Variants in MSRA observed in about 807,000 individuals in gnomAD.
The protein encoded by MSRA is methionine sulfoxide reductase A, also known as mitochondrial peptide methionine sulfoxide reductase.
Under a neutral mutation model 31.3 loss-of-function variants are expected in MSRA, and 54 were observed. The observed-to-expected ratio is 1.73, with a 90% confidence interval of 1.39 to 2.17. The LOEUF is 2.17. Ranked by LOEUF, MSRA falls within the 30% of genes most tolerant of loss-of-function variation. The pLI, the probability that MSRA is intolerant of heterozygous loss-of-function variation, is 0.00. For missense variants in MSRA, 507 were observed against 300.9 expected (o/e 1.69, Z -5.07); for synonymous variants, 169 against 116.5 (o/e 1.45, Z -2.90).
intron 1 of MSRA, among the ~76,000 whole-genome samples, chr8:10,061,245 C>T (rs1334876657): frequency 3.9e-5 from 6 of 152,192 alleles, no homozygotes; most frequent in Admixed American, 3.9e-4. Flanking sequence ...CGACCATACC[C>T]ATAGCGTGGA....
chr8:10,076,130 C>G (rs1304927117), intron 1 of MSRA, among the ~76,000 whole-genome samples: 1 of 152,208 alleles, frequency 6.6e-6, no homozygotes, highest in Non-Finnish European at 1.5e-5. Context: ...TCAGTTTTCT[C>G]ATTTGTAAAA....
At chr8:10,073,582 T>C (rs1797847016) in intron 1 of MSRA, among the ~76,000 whole-genome samples, 1 of 152,142 alleles carries the variant, frequency 6.6e-6, no homozygotes, top group African/African-American at 2.4e-5. Flanking sequence ...AAGTTCTTCC[T>C]ATCTCTTGAT....
rs142213783 is a variant in MSRA at position 10,122,085 on chromosome 8, A to G, written c.142+67427A>G. On this transcript the variant is annotated intron_variant, in intron 1 of 5. Coordinates refer to ENST00000317173, the MANE Select transcript of MSRA (RefSeq NM_012331.5). Reference sequence around the variant, plus strand: ...TAACTCTTCAGGGAAGGGGCACCACATATCTGTCCTGTCACCATGGCAAAG... The same window carrying G: ...TAACTCTTCAGGGAAGGGGCACCACGTATCTGTCCTGTCACCATGGCAAAG... Among the ~76,000 whole-genome samples, 195 of 152,196 alleles carry G rather than the reference A, an allele frequency of 1.3e-3. 4 individuals are homozygous for G. The highest frequency in any genetic ancestry group is 4.3e-3 in the African/African-American group (178 of 41,526).
At chr8:10,382,402 C>A (rs1019997809) in intron 5 of MSRA, among the ~76,000 whole-genome samples, 1 of 152,156 alleles carries the variant, frequency 6.6e-6, no homozygotes, top group African/African-American at 2.4e-5. Flanking sequence ...ACACCTGTAC[C>A]CAGAGTCGCC....
intron 3 of MSRA, among the ~76,000 whole-genome samples, chr8:10,283,614 C>A (rs1373675714): frequency 6.6e-6 from 1 of 151,138 alleles, no homozygotes; most frequent in Admixed American, 6.6e-5. Flanking sequence ...CCCTGAGTCC[C>A]CAAAAGTCCA....
chr8:10,407,914 A>T (rs1456697326), intron 5 of MSRA, among the ~76,000 whole-genome samples: 1 of 152,246 alleles, frequency 6.6e-6, no homozygotes, highest in African/African-American at 2.4e-5. Flanking sequence ...TAAGGATCAC[A>T]TCAATCTTTA....
At chr8:10,078,277 A>G (rs1472435901) in intron 1 of MSRA, among the ~76,000 whole-genome samples, 1 of 152,134 alleles carries the variant, frequency 6.6e-6, no homozygotes, top group African/African-American at 2.4e-5. Flanking sequence ...CCAGTTTGCT[A>G]TCGAGTGTAA....
At chr8:10,255,990 C>T (rs536726995) in intron 3 of MSRA, among the ~76,000 whole-genome samples, 14 of 152,210 alleles carry the variant, frequency 9.2e-5, no homozygotes, top group East Asian at 3.9e-4. Flanking sequence ...ACCACACTGA[C>T]ACGTCCTCAG....
intron 2 of MSRA, among the ~76,000 whole-genome samples, chr8:10,217,975 T>C (rs1213635321): frequency 1.3e-5 from 2 of 152,260 alleles, no homozygotes; most frequent in East Asian, 3.9e-4. Flanking sequence ...CAGCCTGTCC[T>C]ATTTCCTTTA....
At chr8:10,310,767 T>G (rs1414084394) in intron 4 of MSRA, among the ~76,000 whole-genome samples, 1 of 152,236 alleles carries the variant, frequency 6.6e-6, no homozygotes, top group Non-Finnish European at 1.5e-5. Context: ...AAGCCTGATG[T>G]TCTTTCTGTT....
At chr8:10,336,365 G>T (rs187119567) in intron 5 of MSRA, among the ~76,000 whole-genome samples, 1 of 151,762 alleles carries the variant, frequency 6.6e-6, no homozygotes, top group African/African-American at 2.4e-5. Context: ...TCACACAAAG[G>T]GTGCTGTGTG....
At chr8:10,412,377 T>C (rs1159118139) in intron 5 of MSRA, among the ~76,000 whole-genome samples, 3 of 152,228 alleles carry the variant, frequency 2.0e-5, no homozygotes, top group Non-Finnish European at 4.4e-5. Flanking sequence ...AGGGACACAG[T>C]AAATGTGTGC....
chr8:10,426,210 T>C (rs1246272792), intron 5 of MSRA, among the ~76,000 whole-genome samples: 1 of 152,216 alleles, frequency 6.6e-6, no homozygotes, highest in Non-Finnish European at 1.5e-5. Context: ...AGAGAGGTTC[T>C]GTTCCCTGAA....
chr8:10,212,835 C>G (rs940077906), intron 2 of MSRA, among the ~76,000 whole-genome samples: 1 of 152,100 alleles, frequency 6.6e-6, no homozygotes, highest in Non-Finnish European at 1.5e-5. Context: ...AACACTGAAA[C>G]ATTTAAAAAA....
intron 1 of MSRA, among the ~76,000 whole-genome samples, chr8:10,145,696 C>G (rs1245366381): frequency 3.3e-5 from 5 of 152,200 alleles, no homozygotes; most frequent in Admixed American, 6.5e-5. Context: ...ATGTGTAAGA[C>G]ATGGTGCCTC....
intron 1 of MSRA, among the ~76,000 whole-genome samples, chr8:10,145,000 C>T (rs1229803349): frequency 6.6e-6 from 1 of 151,070 alleles, no homozygotes; most frequent in Non-Finnish European, 1.5e-5. Context: ...TCCCCTCCCC[C>T]CGCCTCTCCC....
At chr8:10,057,187 C>T (rs1481329716) in intron 1 of MSRA, among the ~76,000 whole-genome samples, 3 of 152,058 alleles carry the variant, frequency 2.0e-5, no homozygotes, top group Non-Finnish European at 2.9e-5. Flanking sequence ...CTGAACCTGC[C>T]CTGGACTGCC....
chr8:10,335,085 G>T (rs1364866510), intron 5 of MSRA, among the ~76,000 whole-genome samples: 6 of 152,166 alleles, frequency 3.9e-5, no homozygotes, highest in Admixed American at 1.3e-4. Context: ...CGGGCCGGGC[G>T]CAGGGACCGC....
At chr8:10,405,388 C>T (rs1226791627) in intron 5 of MSRA, among the ~76,000 whole-genome samples, 1 of 152,204 alleles carries the variant, frequency 6.6e-6, no homozygotes, top group African/African-American at 2.4e-5. Flanking sequence ...GATGAGGGGA[C>T]ATCTGGCGCG....
Sources: gnomAD v4.1 joint callset for allele counts (sites outside exome capture counted in the v4.1 genomes callset) on GRCh38, gnomAD v4.1.1 for gene constraint, MANE v1.5 for transcripts, NCBI Gene and HGNC (gene_info 2026-07-23, HGNC 2026-07-21) for gene names.